LHX9: variants seen among roughly 807,000 people sequenced by gnomAD.
LHX9 encodes the protein LIM homeobox 9.
LHX9 carries 9 observed loss-of-function variants against 36.5 expected under a neutral mutation model. That is an observed-to-expected ratio of 0.25 (90% CI 0.15 to 0.43). LHX9 has a LOEUF of 0.43. Ranked by LOEUF, LHX9 falls within the 20% of genes least tolerant of loss-of-function variation. The pLI is 1.00. For synonymous variants in LHX9, 211 were observed against 212.1 expected (o/e 0.99, Z 0.04); for missense variants, 464 against 526.4 (o/e 0.88, Z 1.16).
At chr1:197,919,580 T>G (rs1397972432) in intron 1 of LHX9, among the ~76,000 whole-genome samples, 2 of 152,254 alleles carry the variant, frequency 1.3e-5, no homozygotes, top group Non-Finnish European at 2.9e-5. Flanking sequence ...TGAAATTTCC[T>G]TTTCACTCCC....
At position 197,921,378 on chromosome 1, in the gene LHX9, ACT is replaced by A. The variant is rs781268099; in HGVS notation, c.455_456del (p.Ser152CysfsTer95). 2 of 1,613,592 alleles carry A rather than the reference ACT, an allele frequency of 1.2e-6. No individual in the cohort carries two copies. The highest frequency in any genetic ancestry group is 1.3e-5 in the African/African-American group (1 of 74,790). Reference sequence around the variant, plus strand: ...TCGGAGATGGTCATGCGCGCCCGAGACTCTGTCTACCACCTGAGCTGCTTCAC... The same window carrying A: ...TCGGAGATGGTCATGCGCGCCCGAGACTGTCTACCACCTGAGCTGCTTCAC... On this transcript the variant is annotated frameshift_variant, in exon 3 of 5. Transcript: ENST00000367387. LOFTEE classifies it high-confidence loss of function. This position sits in a 1 kb window ranked among gnomAD's most constrained non-coding sequence, Gnocchi z 4.6.
upstream of LHX9, chr1:197,916,489 C>T (rs185123104): frequency 6.8e-4 from 398 of 588,066 alleles, 1 homozygote; most frequent in African/African-American, 6.5e-3. Flanking sequence ...CAAGTCGCTT[C>T]CTATATTGGC....
chr1:197,916,552 C>A, upstream of LHX9: 1 of 638,778 alleles, frequency 1.6e-6, no homozygotes, highest in Non-Finnish European at 2.8e-6. Context: ...AAACCTGAAC[C>A]GGGGAAGAGA....
upstream of LHX9, among the ~76,000 whole-genome samples, chr1:197,913,565 G>A (rs1484699812): frequency 6.6e-6 from 1 of 152,154 alleles, no homozygotes; most frequent in African/African-American, 2.4e-5. Context: ...AGGCCCCAGC[G>A]TGTCCCGGCA....
intron 1 of LHX9, 130 bp from the exon 2 acceptor site, chr1:197,919,842 T>A: frequency 1.2e-6 from 1 of 817,956 alleles, no homozygotes; most frequent in Non-Finnish European, 1.9e-6. Flanking sequence ...GACTTTTGCC[T>A]TTGTGCAGTG....
rs1660390119 is a variant in LHX9 at position 197,933,844 on chromosome 1, T to C, written c.*4585T>C. The C allele has an allele frequency of 6.6e-6, 1 of 152,108 alleles. No homozygotes were observed. The highest frequency in any genetic ancestry group is 2.4e-5 in the African/African-American group (1 of 41,396). 9.4% of individuals were successfully genotyped at this position (152,108 alleles called of 1,614,324 possible). ...AGCTGGAAGGTCTGTTGTGCTTTAC[T>C]GTGATGTAAAGCAGTCTTTGAGTCT... On this transcript the variant is annotated 3_prime_UTR_variant, in exon 5 of 5. Coordinates refer to ENST00000367387, the MANE Select transcript of LHX9 (RefSeq NM_020204.3).
At chr1:197,927,541 A>G in intron 3 of LHX9, 50 bp from the exon 4 acceptor site, 1 of 1,484,454 alleles carries the variant, frequency 6.7e-7, no homozygotes, top group African/African-American at 1.4e-5. Flanking sequence ...CATGTCAGCT[A>G]ATGCAAGAAT....
At chr1:197,914,620 C>T (rs145373655), upstream of LHX9, among the ~76,000 whole-genome samples, 82 of 152,222 alleles carry the variant, frequency 5.4e-4, 2 homozygotes, top group East Asian at 0.016. Context: ...TCCTTCCCAC[C>T]CTTCCTGGGC....
rs1383489085 is a variant in LHX9 at position 197,921,027 on chromosome 1, C to T, written c.378-277C>T. Among the ~76,000 whole-genome samples the T allele has an allele frequency of 6.6e-6, 1 of 151,806 alleles. No homozygotes were observed. The highest frequency in any genetic ancestry group is 1.5e-5 in the Non-Finnish European group (1 of 67,984). ...TTAGCTAGTGCTAACTAGTGGTTTG[C>T]TTTTTTAAATTTTTTTTAATGTTTT... On this transcript the variant is annotated intron_variant, in intron 2 of 4. Coordinates refer to ENST00000367387, the MANE Select transcript of LHX9 (RefSeq NM_020204.3). This position sits in a 1 kb window ranked among gnomAD's most constrained non-coding sequence, Gnocchi z 4.6.
At position 197,921,259 on chromosome 1, in the gene LHX9, C is replaced by CT; in HGVS notation, c.378-44dup. 1 of 1,548,174 alleles carries CT rather than the reference C, an allele frequency of 6.5e-7. No individual in the cohort carries two copies. The highest frequency in any genetic ancestry group is 8.8e-7 in the Non-Finnish European group (1 of 1,138,140). ...CAGGTGTCGCGGGTGGGATATGGCT[C>CT]TGCCTTGCTTCAACTAGCGCCCTGA... On this transcript the variant is annotated intron_variant, in intron 2 of 4. Transcript: ENST00000367387. The surrounding 1 kb of genome is among the most constrained non-coding windows in gnomAD (Gnocchi z 4.6).
At position 197,921,491 on chromosome 1, in the gene LHX9, A is replaced by G. The variant is rs200641597; in HGVS notation, c.565A>G (p.Thr189Ala). Residue 189 changes from threonine to alanine, a missense_variant, in exon 3 of 5, where the codon ACC becomes GCC. Transcript: ENST00000367387. This position sits in a 1 kb window ranked among gnomAD's most constrained non-coding sequence, Gnocchi z 4.6. ...GGTGTACTGCCGCGCCCACTTCGAG[A>G]CCCTCTTGCAAGGAGAGTATCCACC... is the stretch of plus-strand genomic sequence containing the variant. ...SLVYCRAHFE[T>A]LLQGEYPPQL... 1.4e-5 allele frequency: 23 copies of G among 1,614,036 alleles called. No individual in the cohort carries two copies. The East Asian group carries it at 4.7e-4, about 33-fold the overall frequency.
chr1:197,926,777 C>T (rs917151831), intron 3 of LHX9, among the ~76,000 whole-genome samples: 5 of 152,160 alleles, frequency 3.3e-5, no homozygotes, highest in Non-Finnish European at 7.3e-5. Flanking sequence ...CTGTGGGGAG[C>T]GCTTCAGGCG....
intron 4 of LHX9, 135 bp from the exon 5 acceptor site, chr1:197,928,867 T>C: frequency 2.0e-6 from 2 of 983,024 alleles, no homozygotes; most frequent in Non-Finnish European, 2.7e-6. Context: ...AGACAAACAA[T>C]GATATTTAAA....
upstream of LHX9, chr1:197,916,245 C>G (rs1480489056): frequency 5.8e-6 from 1 of 171,034 alleles, no homozygotes; most frequent in East Asian, 1.7e-4. Context: ...CCGCCGCTGC[C>G]GAGAACTGAG....
intron 3 of LHX9, among the ~76,000 whole-genome samples, chr1:197,924,541 G>A (rs1380523547): frequency 1.3e-5 from 2 of 152,138 alleles, no homozygotes; most frequent in Non-Finnish European, 2.9e-5. Flanking sequence ...AGCCCTCTAG[G>A]GATGAGAAGA....
upstream of LHX9, chr1:197,916,691 C>T (rs899464268): frequency 1.3e-5 from 9 of 702,794 alleles, no homozygotes; most frequent in South Asian, 1.2e-4. Flanking sequence ...GCAGACGCTC[C>T]AAACGCCCTC....
rs990688020 is a variant in LHX9, at chr1:197,917,733, T to A, written c.-91T>A. The A allele has an allele frequency of 1.3e-6, 2 of 1,598,984 alleles. No homozygotes were observed. The highest frequency in any genetic ancestry group is 1.8e-5 in the Admixed American group (1 of 55,244). Reference sequence around the variant, plus strand: ...TCCTTTCTCTCCCTCTTTCCCTCCATCCTCGAGCGTCTCTGCGCTCCTACA... The same window carrying A: ...TCCTTTCTCTCCCTCTTTCCCTCCAACCTCGAGCGTCTCTGCGCTCCTACA... On this transcript the variant is annotated 5_prime_UTR_variant, in exon 1 of 5. Transcript: ENST00000367387.
In LHX9 at chr1:197,917,732, A is replaced by G; in HGVS notation, c.-92A>G. On this transcript the variant is annotated 5_prime_UTR_variant, in exon 1 of 5. Transcript: ENST00000367387. ...CTCCTTTCTCTCCCTCTTTCCCTCCATCCTCGAGCGTCTCTGCGCTCCTAC... is the reference window on the plus strand; with the variant it reads ...CTCCTTTCTCTCCCTCTTTCCCTCCGTCCTCGAGCGTCTCTGCGCTCCTAC... 1 of 1,598,548 alleles carries G rather than the reference A, an allele frequency of 6.3e-7. No homozygotes were observed. The highest frequency in any genetic ancestry group is 1.4e-5 in the African/African-American group (1 of 73,740).
chr1:197,916,805 A>G, upstream of LHX9: 1 of 702,850 alleles, frequency 1.4e-6, no homozygotes, highest in Non-Finnish European at 2.6e-6. Context: ...GGATTGAGGA[A>G]GATGGGATGG....
Sources: gnomAD v4.1 joint callset for allele counts (sites outside exome capture counted in the v4.1 genomes callset) on GRCh38, gnomAD v4.1.1 for gene constraint, Gnocchi (gnomAD v3.1) non-coding constraint, MANE v1.5 for transcripts, NCBI Gene and HGNC (gene_info 2026-07-23, HGNC 2026-07-21) for gene names.